Variants in IQCB1 observed in about 807,000 individuals in gnomAD.
The protein encoded by IQCB1 is IQ calmodulin-binding motif-containing protein 1.
In IQCB1, 56 loss-of-function variants were observed where a neutral mutation model predicts 84.4. The ratio of observed to expected loss-of-function variants is 0.66; its 90% CI spans 0.54 to 0.83. IQCB1 has a LOEUF of 0.83. Among genes scored for constraint, IQCB1 ranks in the 40% least tolerant of loss-of-function variants. The pLI, the probability that IQCB1 is intolerant of heterozygous loss-of-function variation, is 0.00. For missense variants in IQCB1, 629 were observed against 682.1 expected, an observed-to-expected ratio of 0.92 and a Z score of 0.87; for synonymous variants, 210 against 234.8, an observed-to-expected ratio of 0.89 and a Z score of 0.96.
At chr3:121,834,791 C>T (rs945610301) in intron 1 of IQCB1, among the ~76,000 whole-genome samples, 175 bp downstream of exon 1, 3 of 152,216 alleles carry the variant, frequency 2.0e-5, no homozygotes, top group African/African-American at 7.2e-5. Context: ...CACTGCACCT[C>T]CCCAGGCCTC....
At chr3:121,778,366 C>T (rs1948316303) in intron 13 of IQCB1, among the ~76,000 whole-genome samples, 1 of 151,804 alleles carries the variant, frequency 6.6e-6, no homozygotes, top group Non-Finnish European at 1.5e-5. Flanking sequence ...CAGGAGCTTG[C>T]AATATAGGCA....
chr3:121,779,191 T>C (rs80047370), intron 13 of IQCB1, among the ~76,000 whole-genome samples: 13,584 of 152,238 alleles, frequency 0.089, 815 homozygotes, highest in Non-Finnish European at 0.13. Context: ...CTGGTTTGGG[T>C]ATGGGCTTAT....
chr3:121,832,227 C>T (rs1173026926), intron 2 of IQCB1, among the ~76,000 whole-genome samples: 4 of 152,176 alleles, frequency 2.6e-5, no homozygotes, highest in South Asian at 4.1e-4. Flanking sequence ...GCTTTTCATA[C>T]ATGGATAGGA....
intron 7 of IQCB1, among the ~76,000 whole-genome samples, chr3:121,801,810 CTTTTTTT>C (rs5852277): frequency 2.2e-5 from 2 of 89,928 alleles, no homozygotes; most frequent in African/African-American, 4.8e-5. Context: ...GCTGCAAGGC[CTTTTTTT>C]TTTTTTTTTT....
chr3:121,801,117 T>A (rs1368584290), intron 7 of IQCB1, among the ~76,000 whole-genome samples: 7 of 151,948 alleles, frequency 4.6e-5, no homozygotes, highest in African/African-American at 1.7e-4. Context: ...AAAAGGTTAT[T>A]CCCCAAGACT....
intron 2 of IQCB1, among the ~76,000 whole-genome samples, chr3:121,833,448 TA>T (rs1215806109): frequency 2.0e-5 from 3 of 152,202 alleles, no homozygotes; most frequent in Non-Finnish European, 4.4e-5. Context: ...CTCTCTAACG[TA>T]AAATAGGCTC....
chr3:121,778,713 C>T (rs1948342520), intron 13 of IQCB1, among the ~76,000 whole-genome samples: 1 of 151,832 alleles, frequency 6.6e-6, no homozygotes, highest in African/African-American at 2.4e-5. Context: ...CGAGACCAGC[C>T]TGGTAAACAT....
chr3:121,814,916 C>T lies in IQCB1; in HGVS notation c.394-5907G>A, dbSNP rs551225603. ...TCCTCCCTAACTCATTTTCTGAGAGCAGGATCATCCTGATACCAAAACCTG... is the reference window on the plus strand; with the variant it reads ...TCCTCCCTAACTCATTTTCTGAGAGTAGGATCATCCTGATACCAAAACCTG... On this transcript the variant is annotated intron_variant, in intron 5 of 14. Transcript: ENST00000310864. Among the ~76,000 whole-genome samples, 3 of 152,282 alleles carry T rather than the reference C, an allele frequency of 2.0e-5. No homozygotes were observed. The South Asian group carries it at 6.2e-4, about 32-fold the overall frequency.
chr3:121,772,089 C>T (rs1331298951), intron 14 of IQCB1, among the ~76,000 whole-genome samples: 6 of 152,030 alleles, frequency 3.9e-5, no homozygotes, highest in African/African-American at 1.4e-4. Flanking sequence ...GCAGGAGAAT[C>T]GCTTGAACGT....
intron 5 of IQCB1, among the ~76,000 whole-genome samples, chr3:121,810,620 T>C (rs1428160644): frequency 2.0e-5 from 3 of 151,876 alleles, no homozygotes; most frequent in African/African-American, 4.8e-5. Context: ...GGAAAAAGAA[T>C]TATTAATGCT....
chr3:121,782,837 G>A (rs367802211), intron 12 of IQCB1, among the ~76,000 whole-genome samples: 5 of 152,150 alleles, frequency 3.3e-5, no homozygotes, highest in East Asian at 3.9e-4. Context: ...GCACCACCAC[G>A]CCCAGCTAAT....
At chr3:121,823,640 A>G (rs976516955) in intron 5 of IQCB1, among the ~76,000 whole-genome samples, 1 of 152,218 alleles carries the variant, frequency 6.6e-6, no homozygotes, top group Admixed American at 6.5e-5. Flanking sequence ...TGAAGGCATC[A>G]TGAAGACATT....
intron 5 of IQCB1, among the ~76,000 whole-genome samples, chr3:121,822,557 T>C (rs2108628894): frequency 6.6e-6 from 1 of 152,294 alleles, no homozygotes; most frequent in South Asian, 2.1e-4. Context: ...CAGAAGAATC[T>C]ACAGCTGAAA....
intron 5 of IQCB1, among the ~76,000 whole-genome samples, chr3:121,814,279 G>A (rs1301469656): frequency 6.6e-6 from 1 of 152,148 alleles, no homozygotes; most frequent in African/African-American, 2.4e-5. Flanking sequence ...TGTGTAGAGG[G>A]AAATTTACAG....
intron 14 of IQCB1, among the ~76,000 whole-genome samples, chr3:121,771,417 C>T (rs1344413920): frequency 2.6e-5 from 4 of 151,804 alleles, no homozygotes; most frequent in Non-Finnish European, 4.4e-5. Context: ...CAACCTCCGC[C>T]TCCCGGGTTC....
chr3:121,770,672 A>G, intron 14 of IQCB1, 98 bp from the exon 15 acceptor site: 1 of 909,654 alleles, frequency 1.1e-6, no homozygotes, highest in Middle Eastern at 2.1e-4. Context: ...AGGCAGAAAC[A>G]GCATTCCAAC....
At chr3:121,778,854 G>C (rs916189968) in intron 13 of IQCB1, among the ~76,000 whole-genome samples, 7 of 149,940 alleles carry the variant, frequency 4.7e-5, no homozygotes, top group African/African-American at 1.7e-4. Context: ...TGCAGAGATT[G>C]CGCCACTGCA....
rs375950839 is a variant in IQCB1 at position 121,783,164 on chromosome 3, ATTGT to A, written c.1279-1294_1279-1291del. Among the ~76,000 whole-genome samples the A allele has an allele frequency of 1.9e-3, 296 of 152,284 alleles. 1 individual carries two copies. The highest frequency in any genetic ancestry group is 6.4e-3 in the African/African-American group (266 of 41,552). On this transcript the variant is annotated intron_variant, in intron 12 of 14. Transcript: ENST00000310864. ...GTTTTGTAAGAATTACTAGAATGCGATTGTTTAATTTGTCAGTTTCATAAGAATT... is the reference window on the plus strand; with the variant it reads ...GTTTTGTAAGAATTACTAGAATGCGATTAATTTGTCAGTTTCATAAGAATT...
intron 13 of IQCB1, among the ~76,000 whole-genome samples, chr3:121,775,582 C>T (rs979316346): frequency 1.3e-5 from 2 of 152,112 alleles, no homozygotes; most frequent in Non-Finnish European, 2.9e-5. Context: ...TGTAACAAAC[C>T]TGCATGTTCT....
Sources: gnomAD v4.1 joint callset for allele counts (sites outside exome capture counted in the v4.1 genomes callset) on GRCh38, gnomAD v4.1.1 for gene constraint, MANE v1.5 for transcripts, NCBI Gene and HGNC (gene_info 2026-07-23, HGNC 2026-07-21) for gene names.